Variants in AUTS2 observed in about 807,000 individuals in gnomAD.
AUTS2 encodes activator of transcription and developmental regulator AUTS2.
A neutral mutation model predicts 112.4 loss-of-function variants in AUTS2; 17 were observed. That is an observed-to-expected ratio of 0.15 (90% CI 0.10 to 0.23). AUTS2 has a LOEUF of 0.23. Among genes scored for constraint, AUTS2 ranks in the 10% least tolerant of loss-of-function variants. The probability of loss-of-function intolerance (pLI) is 1.00; values close to 1 mark genes in which losing one functional copy is unlikely to be tolerated. For synonymous variants in AUTS2, 751 were observed against 702.7 expected (o/e 1.07, Z -1.09); for missense variants, 1,510 against 1,701.6 (o/e 0.89, Z 1.98).
At chr7:70,674,026 G>T (rs1016029116) in intron 5 of AUTS2, among the ~76,000 whole-genome samples, 2 of 152,138 alleles carry the variant, frequency 1.3e-5, no homozygotes, top group African/African-American at 4.8e-5. Context: ...GGTAGGAGGG[G>T]ATCTGAACCT....
Position 70,118,138 on chromosome 7 carries a change from C to A in AUTS2, c.529C>A (p.Pro177Thr). ...KMPKALRQLK[P>T]GQNSCRDSDS... ...TCTTTTCTTTTGCCTTTAGCTCAAGCCAGGACAGAACAGCTGCAGGGACAG... is the reference window on the plus strand; with the variant it reads ...TCTTTTCTTTTGCCTTTAGCTCAAGACAGGACAGAACAGCTGCAGGGACAG... Residue 177 changes from proline to threonine, a missense_variant, in exon 3 of 19, where the codon CCA (proline) becomes ACA (threonine). Coordinates refer to ENST00000342771, the MANE Select transcript of AUTS2 (RefSeq NM_015570.4). 1 of 1,601,486 alleles carries A rather than the reference C, an allele frequency of 6.2e-7. No homozygotes were observed. Among genetic ancestry groups the A allele is most frequent in the Middle Eastern group, 1.7e-4 (1 of 5,984 alleles).
At chr7:69,779,089 G>A (rs1789030972) in intron 1 of AUTS2, among the ~76,000 whole-genome samples, 1 of 139,942 alleles carries the variant, frequency 7.1e-6, no homozygotes, top group Admixed American at 7.4e-5. Flanking sequence ...TCTGGGTCTT[G>A]CTATGTTGCC....
chr7:70,003,488 A>T (rs529733724), intron 2 of AUTS2, among the ~76,000 whole-genome samples: 106 of 125,104 alleles, frequency 8.5e-4, no homozygotes, highest in African/African-American at 3.2e-3. Flanking sequence ...AATATATATA[A>T]TATATATGAA....
chr7:70,777,014 G>C (rs1465414673), intron 13 of AUTS2, 89 bp from the exon 14 acceptor site: 8 of 1,343,608 alleles, frequency 6.0e-6, no homozygotes. Flanking sequence ...AGCCTCTGCA[G>C]CCAAAATCTG....
At chr7:69,994,357 A>G (rs1278390670) in intron 2 of AUTS2, among the ~76,000 whole-genome samples, 1 of 152,176 alleles carries the variant, frequency 6.6e-6, no homozygotes, top group African/African-American at 2.4e-5. Context: ...CTTGTCCTCA[A>G]CTTGTGTGGT....
chr7:70,354,825 G>C (rs966951164), intron 4 of AUTS2, among the ~76,000 whole-genome samples: 1 of 152,094 alleles, frequency 6.6e-6, no homozygotes, highest in Non-Finnish European at 1.5e-5. Flanking sequence ...ATAATATTTT[G>C]GATGCATTGA....
intron 5 of AUTS2, among the ~76,000 whole-genome samples, chr7:70,664,118 A>G (rs545579104): frequency 6.6e-6 from 1 of 152,226 alleles, no homozygotes; most frequent in Non-Finnish European, 1.5e-5. Flanking sequence ...TGGTTCATGC[A>G]ATAGAAAAGA....
At chr7:69,739,719 T>G (rs1186937135) in intron 1 of AUTS2, among the ~76,000 whole-genome samples, 1 of 152,184 alleles carries the variant, frequency 6.6e-6, no homozygotes, top group Non-Finnish European at 1.5e-5. Context: ...AAATAAGTAT[T>G]TGAGTTGAAA....
intron 13 of AUTS2, among the ~76,000 whole-genome samples, chr7:70,776,210 C>T (rs1369404518): frequency 1.3e-5 from 2 of 152,168 alleles, no homozygotes; most frequent in Non-Finnish European, 2.9e-5. Context: ...TTCTGTTCTT[C>T]GCCGATGTAG....
At chr7:70,038,513 T>G (rs1322747370) in intron 2 of AUTS2, among the ~76,000 whole-genome samples, 1 of 152,168 alleles carries the variant, frequency 6.6e-6, no homozygotes, top group African/African-American at 2.4e-5. Flanking sequence ...CAAATTAGGC[T>G]TTTAAAAATA....
intron 6 of AUTS2, among the ~76,000 whole-genome samples, chr7:70,717,849 A>G (rs112016362): frequency 1.2e-3 from 187 of 152,226 alleles, no homozygotes; most frequent in African/African-American, 4.5e-3. Flanking sequence ...TGAACCTGAA[A>G]TGCAATTATT....
intron 5 of AUTS2, among the ~76,000 whole-genome samples, chr7:70,543,694 C>G (rs1195401924): frequency 6.6e-6 from 1 of 152,188 alleles, no homozygotes; most frequent in East Asian, 1.9e-4. Flanking sequence ...GGATTGTTCA[C>G]AAGCTCAGGA....
chr7:70,013,146 C>T (rs889608751), intron 2 of AUTS2, among the ~76,000 whole-genome samples: 3 of 152,156 alleles, frequency 2.0e-5, no homozygotes, highest in Admixed American at 6.5e-5. Context: ...GTGCTGCAGG[C>T]TTGCAGCTGT....
At chr7:69,642,233 C>G (rs1794828197) in intron 1 of AUTS2, among the ~76,000 whole-genome samples, 1 of 152,038 alleles carries the variant, frequency 6.6e-6, no homozygotes, top group South Asian at 2.1e-4. Context: ...TGGAGTAAAA[C>G]CAAATTACCT....
At chr7:70,785,095 A>G in intron 16 of AUTS2, 76 bp downstream of exon 16, 2 of 1,490,280 alleles carry the variant, frequency 1.3e-6, no homozygotes, top group Non-Finnish European at 1.9e-6. Flanking sequence ...CTCCCGCTGC[A>G]CCTCCGGGCA....
At chr7:69,642,053 C>T (rs1271995697) in intron 1 of AUTS2, among the ~76,000 whole-genome samples, 1 of 152,212 alleles carries the variant, frequency 6.6e-6, no homozygotes, top group East Asian at 1.9e-4. Context: ...CTTCCAATAA[C>T]TGAGGGAGTT....
chr7:70,467,281 C>T (rs1197909126), intron 5 of AUTS2, among the ~76,000 whole-genome samples: 1 of 152,218 alleles, frequency 6.6e-6, no homozygotes, highest in Non-Finnish European at 1.5e-5. Context: ...AGGCCTCATA[C>T]CTAATTTTAT....
At chr7:70,436,771 C>A (rs981818702) in intron 5 of AUTS2, 1 of 152,244 alleles carries the variant, frequency 6.6e-6, no homozygotes, top group African/African-American at 2.4e-5. Flanking sequence ...TTCTCTCCTT[C>A]TCTGCTGCCA....
At chr7:69,952,042 C>T (rs1797047109) in intron 2 of AUTS2, among the ~76,000 whole-genome samples, 1 of 152,066 alleles carries the variant, frequency 6.6e-6, no homozygotes, top group South Asian at 2.1e-4. Flanking sequence ...ATTCTAGGTA[C>T]CTTCGTTGCT....
Sources: gnomAD v4.1 joint callset for allele counts (sites outside exome capture counted in the v4.1 genomes callset) on GRCh38, gnomAD v4.1.1 for gene constraint, MANE v1.5 for transcripts, NCBI Gene and HGNC (gene_info 2026-07-23, HGNC 2026-07-21) for gene names.